The following PKNOX2 variants were observed in gnomAD, a reference collection of about 807,000 sequenced individuals.
The protein encoded by PKNOX2 is homeobox protein PKNOX2.
PKNOX2 carries 14 observed loss-of-function variants against 53.1 expected under a neutral mutation model. The ratio of observed to expected loss-of-function variants is 0.26; its 90% CI spans 0.17 to 0.41. The LOEUF is 0.41. PKNOX2 is among the 10% of genes least tolerant of loss of function. The pLI is 1.00. For missense variants in PKNOX2, 496 were observed against 602.8 expected (o/e 0.82, Z 1.85); for synonymous variants, 257 against 242.8 (o/e 1.06, Z -0.54).
chr11:125,325,028 C>T (rs1368484010), intron 2 of PKNOX2, among the ~76,000 whole-genome samples: 3 of 152,086 alleles, frequency 2.0e-5, no homozygotes, highest in African/African-American at 7.2e-5. Context: ...GAAGGTTCCC[C>T]AAATAAGAAA....
rs1181995117 is a variant in PKNOX2 at position 125,200,551 on chromosome 11, C to T, written c.-200-34494C>T. ...CATGCCGCCCCCTGAGCCCAAGTCT[C>T]TGCCACCGCTTGCCTGGCTCATTGC... On this transcript the variant is annotated intron_variant, in intron 1 of 12. Coordinates refer to ENST00000298282, the MANE Select transcript of PKNOX2 (RefSeq NM_001382323.2). Among the ~76,000 whole-genome samples, 3 of 152,218 alleles carry T rather than the reference C, an allele frequency of 2.0e-5. No homozygotes were observed. In the East Asian group the frequency reaches 5.8e-4, roughly 29 times the overall value.
At chr11:125,267,505 G>T (rs549379570) in intron 2 of PKNOX2, among the ~76,000 whole-genome samples, 1 of 152,172 alleles carries the variant, frequency 6.6e-6, no homozygotes, top group Non-Finnish European at 1.5e-5. Context: ...CTGCTTAGAG[G>T]GATTCTGCTC....
chr11:125,182,192 T>G (rs187952726), intron 1 of PKNOX2, among the ~76,000 whole-genome samples: 2 of 152,314 alleles, frequency 1.3e-5, no homozygotes, highest in East Asian at 3.9e-4. Flanking sequence ...TGTAACGACT[T>G]TCACACTGAA....
chr11:125,420,849 G>A (rs1956134271), intron 10 of PKNOX2, among the ~76,000 whole-genome samples: 2 of 152,112 alleles, frequency 1.3e-5, no homozygotes, highest in African/African-American at 4.8e-5. Flanking sequence ...GCACAAAAAG[G>A]AGACGCTGAA....
intron 2 of PKNOX2, among the ~76,000 whole-genome samples, chr11:125,250,252 C>G (rs955471244): frequency 6.6e-6 from 1 of 151,816 alleles, no homozygotes; most frequent in Non-Finnish European, 1.5e-5. Flanking sequence ...CCTCAAGTTA[C>G]GTATATTTCT....
At chr11:125,367,119 A>G (rs1254141585) in intron 4 of PKNOX2, among the ~76,000 whole-genome samples, 2 of 152,262 alleles carry the variant, frequency 1.3e-5, no homozygotes, top group African/African-American at 4.8e-5. Context: ...AAAAAAATGT[A>G]AACCATTGAA....
At chr11:125,269,709 G>A (rs1308139374) in intron 2 of PKNOX2, among the ~76,000 whole-genome samples, 1 of 152,196 alleles carries the variant, frequency 6.6e-6, no homozygotes, top group East Asian at 1.9e-4. Flanking sequence ...ATCTTCAATA[G>A]AATGGGGCAA....
chr11:125,368,137 C>A, intron 5 of PKNOX2, 152 bp downstream of exon 5: 1 of 981,344 alleles, frequency 1.0e-6, no homozygotes, highest in Non-Finnish European at 1.4e-6. Flanking sequence ...CTACTCAATC[C>A]AGAAACCCCT....
chr11:125,263,632 G>T (rs1027352791), intron 2 of PKNOX2, among the ~76,000 whole-genome samples: 2 of 152,244 alleles, frequency 1.3e-5, no homozygotes, highest in Non-Finnish European at 2.9e-5. Context: ...CAGCGCGGGA[G>T]GGGGAGAGCT....
chr11:125,299,076 CT>C (rs1018162517), intron 2 of PKNOX2, among the ~76,000 whole-genome samples: 4 of 152,086 alleles, frequency 2.6e-5, no homozygotes, highest in Non-Finnish European at 5.9e-5. Context: ...AGCTTTTACT[CT>C]TGGTGGAAGG....
intron 7 of PKNOX2, among the ~76,000 whole-genome samples, chr11:125,406,447 C>T (rs538669028): frequency 1.3e-5 from 2 of 152,188 alleles, no homozygotes; most frequent in Non-Finnish European, 2.9e-5. Flanking sequence ...TCCATTGCTA[C>T]GTAAAGAACT....
intron 1 of PKNOX2, among the ~76,000 whole-genome samples, chr11:125,220,378 A>T (rs920853629): frequency 1.3e-5 from 2 of 152,204 alleles, no homozygotes; most frequent in African/African-American, 4.8e-5. Flanking sequence ...CTGATTTCCA[A>T]CCCCTGAGCT....
chr11:125,402,933 T>C (rs936682692), intron 7 of PKNOX2, among the ~76,000 whole-genome samples: 19 of 152,186 alleles, frequency 1.2e-4, no homozygotes, highest in African/African-American at 4.6e-4. Flanking sequence ...CCCATTGTGA[T>C]TGGAGAAGTT....
chr11:125,414,320 C>T (rs1428401612), intron 10 of PKNOX2, among the ~76,000 whole-genome samples: 2 of 152,192 alleles, frequency 1.3e-5, no homozygotes, highest in Non-Finnish European at 2.9e-5. Flanking sequence ...TTCCCACCCA[C>T]CCCTGTTGCC....
At chr11:125,245,507 A>G in intron 2 of PKNOX2, among the ~76,000 whole-genome samples, 1 of 152,226 alleles carries the variant, frequency 6.6e-6, no homozygotes, top group East Asian at 1.9e-4. Flanking sequence ...TCTCAAATGA[A>G]GCAATTGGAC....
chr11:125,300,446 C>G (rs1368064026), intron 2 of PKNOX2, among the ~76,000 whole-genome samples: 1 of 152,186 alleles, frequency 6.6e-6, no homozygotes, highest in Non-Finnish European at 1.5e-5. Context: ...AGCAGCTTCC[C>G]ACAGTTCTCC....
chr11:125,187,494 A>C (rs182902560), intron 1 of PKNOX2, among the ~76,000 whole-genome samples: 19 of 152,178 alleles, frequency 1.2e-4, no homozygotes, highest in African/African-American at 3.9e-4. Context: ...TTTTCTCTTC[A>C]GCTTGTTCAT....
intron 4 of PKNOX2, among the ~76,000 whole-genome samples, chr11:125,366,996 G>A (rs566031433): frequency 5.2e-4 from 79 of 152,314 alleles, no homozygotes; most frequent in Middle Eastern, 3.4e-3. Flanking sequence ...CTACCATCGT[G>A]CTATGGACAG....
chr11:125,304,400 G>A (rs1948284351), intron 2 of PKNOX2, among the ~76,000 whole-genome samples: 1 of 152,250 alleles, frequency 6.6e-6, no homozygotes, highest in South Asian at 2.1e-4. Context: ...GGAGCTGGAT[G>A]GAACATATGG....
Sources: gnomAD v4.1 joint callset for allele counts (sites outside exome capture counted in the v4.1 genomes callset) on GRCh38, gnomAD v4.1.1 for gene constraint, MANE v1.5 for transcripts, NCBI Gene and HGNC (gene_info 2026-07-23, HGNC 2026-07-21) for gene names.